Variants in PLEKHH2 observed in about 807,000 individuals in gnomAD.
PLEKHH2 encodes pleckstrin homology, MyTH4 and FERM domain containing H2, also known as pleckstrin homology domain-containing family H member 2.
PLEKHH2 carries 129 observed loss-of-function variants against 187.9 expected under a neutral mutation model. The ratio of observed to expected loss-of-function variants is 0.69; its 90% CI spans 0.59 to 0.79. The LOEUF is 0.79. PLEKHH2 is among the 30% of genes least tolerant of loss of function. The probability of loss-of-function intolerance (pLI) is 0.00; values close to 1 mark genes in which losing one functional copy is unlikely to be tolerated. For synonymous variants in PLEKHH2, 686 were observed against 605.6 expected, an observed-to-expected ratio of 1.13 and a Z score of -1.95; for missense variants, 2,076 against 1,751.2, an observed-to-expected ratio of 1.19 and a Z score of -3.31.
rs144904745 is a variant in PLEKHH2, at chr2:43,763,740, T to C, written c.4159-488T>C. ...TTTGGAAACACATTAGAAAAAAATA[T>C]TTGCTGCATATGTGACAAAGGGTTA... On this transcript the variant is annotated intron_variant, in intron 28 of 29. Transcript: ENST00000282406. Among the ~76,000 whole-genome samples, 5 of 152,240 alleles carry C rather than the reference T, an allele frequency of 3.3e-5. No homozygotes were observed. The East Asian group carries it at 7.7e-4, about 23-fold the overall frequency.
intron 3 of PLEKHH2, among the ~76,000 whole-genome samples, chr2:43,691,176 A>C (rs954181197): frequency 5.3e-5 from 8 of 152,160 alleles, no homozygotes; most frequent in Non-Finnish European, 1.0e-4. Flanking sequence ...TTCTTAGCTC[A>C]GCTACATCTG....
chr2:43,683,679 T>C (rs1468695210), intron 3 of PLEKHH2, among the ~76,000 whole-genome samples: 2 of 152,146 alleles, frequency 1.3e-5, no homozygotes, highest in Non-Finnish European at 2.9e-5. Context: ...AAAATATAGT[T>C]AGATCTAAAA....
intron 19 of PLEKHH2, 37 bp from the exon 20 acceptor site, chr2:43,738,304 T>C (rs1241556712): frequency 2.0e-6 from 3 of 1,536,056 alleles, no homozygotes; most frequent in Non-Finnish European, 2.7e-6. Context: ...ATCTAATCAC[T>C]CCTCACCTTG....
chr2:43,679,700 G>C (rs1668068913), intron 3 of PLEKHH2: 1 of 176,056 alleles, frequency 5.7e-6, no homozygotes, highest in Non-Finnish European at 1.2e-5. Flanking sequence ...TTGTTGGCCA[G>C]GATGGCCTCA....
intron 3 of PLEKHH2, among the ~76,000 whole-genome samples, chr2:43,690,564 CT>C: frequency 6.6e-6 from 1 of 152,114 alleles, no homozygotes; most frequent in Middle Eastern, 3.4e-3. Flanking sequence ...GTAAGGATTC[CT>C]TTTGACTTTT....
rs574956914 is a variant in PLEKHH2, at chr2:43,677,729, G to A, written c.124-1134G>A. Among the ~76,000 whole-genome samples, 306 of 151,738 alleles carry A rather than the reference G, an allele frequency of 2.0e-3. 1 individual carries two copies. The highest frequency in any genetic ancestry group is 7.1e-3 in the African/African-American group (294 of 41,396). On this transcript the variant is annotated intron_variant, in intron 2 of 29. Coordinates refer to ENST00000282406, the MANE Select transcript of PLEKHH2 (RefSeq NM_172069.4). ...AGCTGTTGGGTACACCTCCAAGACG[G>A]GGTGGTGGCCGGGCAGAGGGGCTCC... is the stretch of plus-strand genomic sequence containing the variant.
intron 16 of PLEKHH2, among the ~76,000 whole-genome samples, chr2:43,724,699 A>G (rs1322586718): frequency 6.6e-6 from 1 of 152,002 alleles, no homozygotes; most frequent in African/African-American, 2.4e-5. Flanking sequence ...TAATCTTGTT[A>G]TTTTTTCTAG....
chr2:43,677,235 GT>G (rs1157105588), intron 2 of PLEKHH2, among the ~76,000 whole-genome samples: 2 of 151,366 alleles, frequency 1.3e-5, no homozygotes, highest in Non-Finnish European at 2.9e-5. Flanking sequence ...ATTCTTGGGT[GT>G]TTCTCGCAGA....
At chr2:43,745,039 T>A (rs914206443) in intron 23 of PLEKHH2, among the ~76,000 whole-genome samples, 26 of 151,826 alleles carry the variant, frequency 1.7e-4, no homozygotes, top group African/African-American at 6.3e-4. Context: ...CTAGGCCGGG[T>A]GTGGTGGCTC....
intron 3 of PLEKHH2, chr2:43,681,702 G>T (rs1304429409): frequency 9.4e-6 from 5 of 534,196 alleles, no homozygotes; most frequent in Non-Finnish European, 1.3e-5. Flanking sequence ...AGGCCACTGA[G>T]GGCCAGGCAA....
In PLEKHH2 at chr2:43,765,674, C is replaced by G. The variant is rs1672596744; in HGVS notation, c.*76C>G. ...TCAGCTCCCTACAAGTTCGTTTACA[C>G]CTGGCAGCACGGCAGCCACACACCG... On this transcript the variant is annotated 3_prime_UTR_variant, in exon 30 of 30. Coordinates refer to ENST00000282406, the MANE Select transcript of PLEKHH2 (RefSeq NM_172069.4). 3 of 1,418,444 alleles carry G rather than the reference C, an allele frequency of 2.1e-6. No individual in the cohort carries two copies. In the Admixed American group the frequency reaches 7.2e-5, roughly 34 times the overall value. 87.9% of individuals were successfully genotyped at this position (1,418,444 alleles called of 1,614,324 possible).
intron 3 of PLEKHH2, chr2:43,681,146 A>T (rs1668156245): frequency 4.1e-6 from 3 of 740,594 alleles, no homozygotes; most frequent in Non-Finnish European, 7.0e-6. Flanking sequence ...CTCCTGCAAC[A>T]CTCTAATGCC....
chr2:43,644,782 C>T lies in PLEKHH2; in HGVS notation c.109C>T (p.Leu37Phe). ...FRVQASKIRE[L>F]LAEKMQQLER... is the part of the protein sequence containing the mutation. ...AGTTCAAGCAAGCAAGATACGAGAG[C>T]TTTTAGCAGAGAAGGTAAGCTTTCT... Residue 37 changes from leucine (L) to phenylalanine (F), a missense_variant, in exon 2 of 30, where the codon CTT becomes TTT. By Grantham distance (22) the Leu-to-Phe change is conservative (BLOSUM62 0). Coordinates refer to ENST00000282406, the MANE Select transcript of PLEKHH2 (RefSeq NM_172069.4). The T allele has an allele frequency of 6.2e-7, 1 of 1,606,308 alleles. No homozygotes were observed. The highest frequency in any genetic ancestry group is 8.5e-7 in the Non-Finnish European group (1 of 1,175,720).
intron 2 of PLEKHH2, among the ~76,000 whole-genome samples, chr2:43,649,728 G>C (rs1380676672): frequency 6.6e-6 from 1 of 152,194 alleles, no homozygotes; most frequent in African/African-American, 2.4e-5. Context: ...ACTGGTTGAA[G>C]ATATTATTTA....
intron 2 of PLEKHH2, among the ~76,000 whole-genome samples, chr2:43,646,044 C>T (rs985065522): frequency 6.6e-6 from 1 of 152,080 alleles, no homozygotes; most frequent in Non-Finnish European, 1.5e-5. Context: ...AACTTTTGGG[C>T]TTTAACATCT....
At position 43,676,200 on chromosome 2, in the gene PLEKHH2, C is replaced by T. The variant is rs758484579; in HGVS notation, c.124-2663C>T. On this transcript the variant is annotated intron_variant, in intron 2 of 29. Transcript: ENST00000282406. Reference sequence around the variant, plus strand: ...TGTTAGGTGGACGAAGGTGATGGTGCTCGTGGTCTTGAGTTTGACCTCTGT... The same window carrying T: ...TGTTAGGTGGACGAAGGTGATGGTGTTCGTGGTCTTGAGTTTGACCTCTGT... The T allele has an allele frequency of 6.2e-6, 10 of 1,613,894 alleles. No homozygotes were observed. In the East Asian group the frequency reaches 8.9e-5, roughly 14 times the overall value.
At chr2:43,645,649 G>A (rs935251565) in intron 2 of PLEKHH2, among the ~76,000 whole-genome samples, 7 of 152,084 alleles carry the variant, frequency 4.6e-5, no homozygotes, top group Non-Finnish European at 1.0e-4. Flanking sequence ...TTGATTATAT[G>A]TTGAAATGAT....
At chr2:43,723,490 A>G (rs1220117517) in intron 16 of PLEKHH2, among the ~76,000 whole-genome samples, 1 of 151,912 alleles carries the variant, frequency 6.6e-6, no homozygotes, top group Non-Finnish European at 1.5e-5. Flanking sequence ...GGAAGATAAG[A>G]TTAAGTTTAA....
rs1454995626 is a variant in PLEKHH2 at position 43,766,989 on chromosome 2, A to G, written c.*1391A>G. The G allele has an allele frequency of 2.0e-5, 3 of 152,770 alleles. No homozygotes were observed. In the East Asian group the frequency reaches 5.6e-4, roughly 29 times the overall value. The allele number at this position is 152,770 out of a possible 1,614,324, so 9.5% of individuals were successfully genotyped here. ...ATAGAGTACTTAAATGCATTACTTTATTAGGTTATGTAAGTGGTCAGTGCA... is the reference window on the plus strand; with the variant it reads ...ATAGAGTACTTAAATGCATTACTTTGTTAGGTTATGTAAGTGGTCAGTGCA... On this transcript the variant is annotated 3_prime_UTR_variant, in exon 30 of 30. Coordinates refer to ENST00000282406, the MANE Select transcript of PLEKHH2 (RefSeq NM_172069.4).
Sources: allele counts gnomAD v4.1 joint callset (sites outside exome capture counted in the v4.1 genomes callset), GRCh38; gene constraint gnomAD v4.1.1; transcripts MANE v1.5; gene names NCBI Gene and HGNC (gene_info 2026-07-23, HGNC 2026-07-21).